PCLO: variants seen among roughly 807,000 people sequenced by gnomAD.
PCLO encodes piccolo presynaptic cytomatrix protein.
A neutral mutation model predicts 427.5 loss-of-function variants in PCLO; 82 were observed. The observed-to-expected ratio is 0.19, with a 90% confidence interval of 0.16 to 0.23. The LOEUF (loss-of-function observed/expected upper bound fraction) is 0.23. Ranked by LOEUF, PCLO falls within the 10% of genes least tolerant of loss-of-function variation. The pLI, the probability that PCLO is intolerant of heterozygous loss-of-function variation, is 1.00. For missense variants in PCLO, 6,239 were observed against 6,115.9 expected (o/e 1.02, Z -0.67); for synonymous variants, 2,357 against 2,155.4 (o/e 1.09, Z -2.59).
chr7:82,872,613 A>C lies in PCLO; in HGVS notation c.13654+6724T>G, dbSNP rs190676555. Among the ~76,000 whole-genome samples, 460 of 152,264 alleles carry C rather than the reference A, an allele frequency of 3.0e-3. 1 individual carries two copies. Among genetic ancestry groups the C allele is most frequent in the African/African-American group, 0.01 (428 of 41,576 alleles). ...ACAAGATTGATAGTCATTATAACAC[A>C]GAAATTTAAGTTGTATTGTAGAATA... On this transcript the variant is annotated intron_variant, in intron 10 of 24. Transcript: ENST00000333891.
At chr7:83,037,699 T>C (rs1402231835) in intron 3 of PCLO, among the ~76,000 whole-genome samples, 3 of 151,418 alleles carry the variant, frequency 2.0e-5, no homozygotes, top group Non-Finnish European at 4.4e-5. Context: ...TTCCTCTGGC[T>C]TCTCTCATAT....
chr7:82,881,816 T>C (rs1793515195), intron 9 of PCLO, among the ~76,000 whole-genome samples: 1 of 152,062 alleles, frequency 6.6e-6, no homozygotes, highest in African/African-American at 2.4e-5. Context: ...AATTTTTTTT[T>C]ATTTTTAGTA....
At chr7:82,974,563 C>T (rs373851020) in intron 3 of PCLO, among the ~76,000 whole-genome samples, 1 of 152,194 alleles carries the variant, frequency 6.6e-6, no homozygotes, top group East Asian at 1.9e-4. Flanking sequence ...AGAAGAAAGG[C>T]TTATCTATGG....
At chr7:82,760,943 CTTTTTTTTTT>C (rs767222339) in intron 23 of PCLO, among the ~76,000 whole-genome samples, 159 bp from the exon 24 acceptor site, 13 of 60,396 alleles carry the variant, frequency 2.2e-4, no homozygotes, top group Non-Finnish European at 2.4e-4. Flanking sequence ...AAAGATATGT[CTTTTTTTTTT>C]TTTTTTTTTT....
At chr7:82,841,572 G>T (rs561352128) in intron 13 of PCLO, 63 bp from the exon 14 acceptor site, 3 of 1,039,134 alleles carry the variant, frequency 2.9e-6, no homozygotes, top group African/African-American at 3.2e-5. Flanking sequence ...TTATCATTTC[G>T]GCTTCCTTCT....
Position 82,943,895 on chromosome 7 carries a change from C to T in PCLO, c.11112+5581G>A, listed in dbSNP as rs568815216. Among the ~76,000 whole-genome samples the T allele has an allele frequency of 5.9e-5, 9 of 152,000 alleles. No homozygotes were observed. In the South Asian group the frequency reaches 1.2e-3, roughly 21 times the overall value. On this transcript the variant is annotated intron_variant, in intron 6 of 24. Coordinates refer to ENST00000333891, the MANE Select transcript of PCLO (RefSeq NM_033026.6). ...ACACTGGGCTGGGTGCGGTGGCTCA[C>T]GTCTGTAATGCCAGCACTCTGGGAG...
At chr7:82,905,363 T>C (rs974369355) in intron 8 of PCLO, among the ~76,000 whole-genome samples, 24 of 152,158 alleles carry the variant, frequency 1.6e-4, no homozygotes, top group African/African-American at 4.6e-4. Context: ...CTTCATGTCC[T>C]TTTTGTTAAC....
At position 82,817,945 on chromosome 7, in the gene PCLO, A is replaced by G. The variant is rs1465744129; in HGVS notation, c.14791+4550T>C. Reference sequence around the variant, plus strand: ...GGTTTTTCACACTTAAATTTAGTATATTGGATTTCAACTAAATAAATCTTC... The same window carrying G: ...GGTTTTTCACACTTAAATTTAGTATGTTGGATTTCAACTAAATAAATCTTC... On this transcript the variant is annotated intron_variant, in intron 20 of 24. Transcript: ENST00000333891. Among the ~76,000 whole-genome samples, 4 of 152,280 alleles carry G rather than the reference A, an allele frequency of 2.6e-5. No individual in the cohort carries two copies. In the East Asian group the frequency reaches 7.7e-4, roughly 29 times the overall value.
rs889367514 is a variant in PCLO, at chr7:83,059,764, G to A, written c.3300+74486C>T. ...GGGAGGTCAGGTAGAAATCAGTGAA[G>A]GAGAGAGCAACCAAGGTTTCCCAAT... On this transcript the variant is annotated intron_variant, in intron 3 of 24. Coordinates refer to ENST00000333891, the MANE Select transcript of PCLO (RefSeq NM_033026.6). Among the ~76,000 whole-genome samples the A allele has an allele frequency of 7.9e-5, 12 of 152,098 alleles. 1 individual carries two copies. The highest frequency in any genetic ancestry group is 2.6e-4 in the Admixed American group (4 of 15,262).
At chr7:82,819,315 A>G (rs1791741472) in intron 20 of PCLO, among the ~76,000 whole-genome samples, 1 of 152,104 alleles carries the variant, frequency 6.6e-6, no homozygotes, top group Non-Finnish European at 1.5e-5. Flanking sequence ...TTAGAACACT[A>G]TTCAAAAAAA....
chr7:82,926,443 T>C (rs1247040583), intron 6 of PCLO, among the ~76,000 whole-genome samples: 1 of 152,146 alleles, frequency 6.6e-6, no homozygotes, highest in Non-Finnish European at 1.5e-5. Context: ...AGAAACTAAA[T>C]TATAGGACCC....
At chr7:82,927,540 T>C (rs1794740063) in intron 6 of PCLO, among the ~76,000 whole-genome samples, 1 of 152,146 alleles carries the variant, frequency 6.6e-6, no homozygotes, top group African/African-American at 2.4e-5. Context: ...CGATCCTTTT[T>C]CTTTTTCTCC....
In PCLO at chr7:82,966,329, T is replaced by G. The variant is rs540681556; in HGVS notation, c.3459A>C (p.Gln1153His). 1.6e-4 allele frequency: 253 copies of G among 1,613,896 alleles called. No homozygotes were observed. Among genetic ancestry groups the G allele is most frequent in the Non-Finnish European group, 2.1e-4 (247 of 1,179,866 alleles). Residue 1153 changes from glutamine to histidine, a missense_variant, in exon 4 of 25, where the codon CAA becomes CAC. Gln to His is a conservative substitution (Grantham distance 24). Transcript: ENST00000333891. ...SSSQKTAVPP[Q>H]VKLVKKQEQE... ...GTTCTTGCTTTTTCACTAATTTTAC[T>G]TGGGGAGGCACTGCTGTTTTCTGAG...
At chr7:83,149,773 G>A (rs190496414) in intron 2 of PCLO, among the ~76,000 whole-genome samples, 106 of 152,250 alleles carry the variant, frequency 7.0e-4, no homozygotes, top group Middle Eastern at 3.4e-3. Context: ...GATTATCCAC[G>A]GAAAGGTCAT....
chr7:83,143,631 T>C (rs1184826187), intron 2 of PCLO, among the ~76,000 whole-genome samples: 5 of 141,066 alleles, frequency 3.5e-5, no homozygotes, highest in Admixed American at 2.9e-4. Context: ...AATATGTTTG[T>C]CAGGATTGCC....
At chr7:82,810,482 G>A (rs956881818) in intron 20 of PCLO, among the ~76,000 whole-genome samples, 1 of 151,444 alleles carries the variant, frequency 6.6e-6, no homozygotes, top group Non-Finnish European at 1.5e-5. Flanking sequence ...AAGAGTGGAT[G>A]CTATAAATAT....
chr7:82,835,980 A>C (rs1792223308), intron 15 of PCLO, among the ~76,000 whole-genome samples: 1 of 152,120 alleles, frequency 6.6e-6, no homozygotes, highest in Non-Finnish European at 1.5e-5. Flanking sequence ...CCTTTGAGCC[A>C]AACCTCACCA....
chr7:83,100,068 T>C (rs1232538935), intron 3 of PCLO, among the ~76,000 whole-genome samples: 1 of 152,202 alleles, frequency 6.6e-6, no homozygotes, highest in Non-Finnish European at 1.5e-5. Context: ...AATATATTTA[T>C]ATCCATCTAT....
At chr7:82,969,215 G>C (rs550369668) in intron 3 of PCLO, among the ~76,000 whole-genome samples, 2 of 152,166 alleles carry the variant, frequency 1.3e-5, no homozygotes, top group Non-Finnish European at 2.9e-5. Flanking sequence ...TGAAATTTAG[G>C]TATGAGGATA....
Sources: gnomAD v4.1 joint callset for allele counts (sites outside exome capture counted in the v4.1 genomes callset) on GRCh38, gnomAD v4.1.1 for gene constraint, MANE v1.5 for transcripts, NCBI Gene and HGNC (gene_info 2026-07-23, HGNC 2026-07-21) for gene names.